Variants in MARCHF1 observed in about 807,000 individuals in gnomAD.
MARCHF1 encodes the protein E3 ubiquitin-protein ligase MARCHF1.
MARCHF1 carries 40 observed loss-of-function variants against 54.2 expected under a neutral mutation model. The ratio of observed to expected loss-of-function variants is 0.74; its 90% CI spans 0.57 to 0.96. The LOEUF is 0.96. Ranked by LOEUF, MARCHF1 falls within the 40% of genes least tolerant of loss-of-function variation. MARCHF1 has a pLI of 0.00. For missense variants in MARCHF1, 586 were observed against 656.5 expected (o/e 0.89, Z 1.17); for synonymous variants, 236 against 236.3 (o/e 1.00, Z 0.01).
chr4:163,876,498 A>G (rs1750292686), intron 3 of MARCHF1, among the ~76,000 whole-genome samples: 3 of 152,164 alleles, frequency 2.0e-5, no homozygotes, highest in African/African-American at 7.2e-5. Flanking sequence ...TTGGATTATT[A>G]AAACAACTGC....
At chr4:164,357,692 A>G (rs1425678511) in intron 1 of MARCHF1, among the ~76,000 whole-genome samples, 2 of 152,176 alleles carry the variant, frequency 1.3e-5, no homozygotes, top group Non-Finnish European at 2.9e-5. Flanking sequence ...AGAAAATCAG[A>G]ATCTTATAAT....
chr4:164,125,287 T>C (rs1560916032), intron 1 of MARCHF1, among the ~76,000 whole-genome samples: 1 of 152,094 alleles, frequency 6.6e-6, no homozygotes, highest in Non-Finnish European at 1.5e-5. Flanking sequence ...TTAACATTCA[T>C]TCTTAATAAA....
chr4:164,371,556 C>A (rs1271407949), intron 1 of MARCHF1, among the ~76,000 whole-genome samples: 4 of 151,910 alleles, frequency 2.6e-5, no homozygotes, highest in African/African-American at 9.7e-5. Flanking sequence ...TTTAAAAATT[C>A]AAACCAATAA....
At chr4:163,942,964 A>C (rs1033652933) in intron 3 of MARCHF1, among the ~76,000 whole-genome samples, 2 of 151,818 alleles carry the variant, frequency 1.3e-5, no homozygotes, top group African/African-American at 4.8e-5. Context: ...TGGATACACT[A>C]GTTTTTTGTT....
intron 5 of MARCHF1, among the ~76,000 whole-genome samples, chr4:163,700,516 A>G (rs1744774891): frequency 7.5e-6 from 1 of 133,250 alleles, no homozygotes; most frequent in Admixed American, 8.0e-5. Flanking sequence ...AAAGATAGAT[A>G]GAAAGAAAGA....
chr4:164,172,385 T>TA (rs1201424215), intron 1 of MARCHF1, among the ~76,000 whole-genome samples: 1 of 152,212 alleles, frequency 6.6e-6, no homozygotes, highest in Admixed American at 6.5e-5. Flanking sequence ...TTACTTATCT[T>TA]ACCTTCTTTG....
At chr4:163,715,939 T>C (rs1325095904) in intron 4 of MARCHF1, among the ~76,000 whole-genome samples, 1 of 152,170 alleles carries the variant, frequency 6.6e-6, no homozygotes, top group Non-Finnish European at 1.5e-5. Flanking sequence ...AGCAAGTAAC[T>C]TTCTAAAATT....
At chr4:164,308,974 A>G (rs1481675266) in intron 1 of MARCHF1, among the ~76,000 whole-genome samples, 1 of 152,010 alleles carries the variant, frequency 6.6e-6, no homozygotes, top group African/African-American at 2.4e-5. Context: ...AAAAAAAAAA[A>G]AAAAGAAAGA....
intron 2 of MARCHF1, among the ~76,000 whole-genome samples, chr4:164,051,560 C>G (rs1486725902): frequency 6.6e-6 from 1 of 152,068 alleles, no homozygotes; most frequent in Non-Finnish European, 1.5e-5. Flanking sequence ...TGTTAACAAC[C>G]AACTAGACAT....
At chr4:164,041,976 C>T (rs1754139098) in intron 2 of MARCHF1, among the ~76,000 whole-genome samples, 2 of 152,168 alleles carry the variant, frequency 1.3e-5, no homozygotes, top group Non-Finnish European at 2.9e-5. Flanking sequence ...GAGACACTCT[C>T]TTTTCCCTAT....
intron 1 of MARCHF1, among the ~76,000 whole-genome samples, chr4:164,297,760 C>T (rs934155529): frequency 2.0e-5 from 3 of 152,092 alleles, no homozygotes; most frequent in Non-Finnish European, 4.4e-5. Flanking sequence ...GAATACAATA[C>T]AGGAATTGTA....
At chr4:164,227,329 GA>G (rs974385974) in intron 1 of MARCHF1, among the ~76,000 whole-genome samples, 1 of 152,018 alleles carries the variant, frequency 6.6e-6, no homozygotes, top group African/African-American at 2.4e-5. Flanking sequence ...CAGCATGGGG[GA>G]AACCACCCCT....
intron 3 of MARCHF1, among the ~76,000 whole-genome samples, chr4:163,902,835 C>T (rs771314087): frequency 6.6e-6 from 1 of 152,076 alleles, no homozygotes; most frequent in Non-Finnish European, 1.5e-5. Context: ...ATTCCTTAAA[C>T]ATTGTATGTC....
chr4:163,960,099 C>T (rs1263704233), intron 3 of MARCHF1, among the ~76,000 whole-genome samples: 1 of 151,994 alleles, frequency 6.6e-6, no homozygotes, highest in Non-Finnish European at 1.5e-5. Flanking sequence ...GTCAAAACCA[C>T]AGTGAGATAC....
intron 1 of MARCHF1, among the ~76,000 whole-genome samples, chr4:164,205,369 A>G (rs1731577103): frequency 6.6e-6 from 1 of 152,180 alleles, no homozygotes; most frequent in Admixed American, 6.5e-5. Flanking sequence ...AAAAACTAAA[A>G]TAAGGCTTAT....
At chr4:163,581,170 T>G (rs1348519235) in intron 8 of MARCHF1, among the ~76,000 whole-genome samples, 1 of 152,210 alleles carries the variant, frequency 6.6e-6, no homozygotes, top group Admixed American at 6.5e-5. Context: ...CACAGTGCAA[T>G]GAGCACATGC....
At chr4:163,969,696 T>C (rs768324105) in intron 3 of MARCHF1, among the ~76,000 whole-genome samples, 2 of 152,194 alleles carry the variant, frequency 1.3e-5, no homozygotes, top group Non-Finnish European at 2.9e-5. Flanking sequence ...AACATGCTTC[T>C]ATGATCTAAT....
chr4:164,153,616 A>G (rs556945277), intron 1 of MARCHF1, among the ~76,000 whole-genome samples: 1 of 152,290 alleles, frequency 6.6e-6, no homozygotes, highest in Non-Finnish European at 1.5e-5. Context: ...ATTTATGAAT[A>G]AATGACACTT....
At chr4:164,340,518 C>T (rs1160268053) in intron 1 of MARCHF1, among the ~76,000 whole-genome samples, 1 of 149,668 alleles carries the variant, frequency 6.7e-6, no homozygotes, top group Non-Finnish European at 1.5e-5. Flanking sequence ...CAACCTCCAC[C>T]TCCTGAGTTC....
Sources: allele counts gnomAD v4.1 joint callset (sites outside exome capture counted in the v4.1 genomes callset), GRCh38; gene constraint gnomAD v4.1.1; transcripts MANE v1.5; gene names NCBI Gene and HGNC (gene_info 2026-07-23, HGNC 2026-07-21).